Variants in PXT1 observed in about 807,000 individuals in gnomAD.
PXT1 encodes the protein peroxisomal testis-specific protein 1.
A neutral mutation model predicts 11.0 loss-of-function variants in PXT1; 11 were observed. The observed-to-expected ratio is 1.00, with a 90% CI of 0.63 to 1.66. The LOEUF (loss-of-function observed/expected upper bound fraction) is 1.66, where lower values mean the gene tolerates loss of function less well. Ranked by LOEUF, PXT1 falls within the 40% of genes most tolerant of loss-of-function variation. The pLI is 0.00. For synonymous variants in PXT1, 43 were observed against 51.4 expected, an observed-to-expected ratio of 0.84 and a Z score of 0.70; for missense variants, 141 against 155.5, an observed-to-expected ratio of 0.91 and a Z score of 0.49.
chr6:36,433,728 G>C (rs1292243336), intron 2 of PXT1, among the ~76,000 whole-genome samples: 1 of 151,278 alleles, frequency 6.6e-6, no homozygotes, highest in Non-Finnish European at 1.5e-5. Flanking sequence ...GGGAGGCTGA[G>C]GCAGGAGAAT....
intron 2 of PXT1, among the ~76,000 whole-genome samples, chr6:36,429,911 G>A (rs1744653): frequency 0.17 from 26,489 of 151,806 alleles, 2,716 homozygotes; most frequent in Admixed American, 0.27. Flanking sequence ...TAGAAGTAAA[G>A]CTTTTGGCCA....
In PXT1 at chr6:36,427,840, A is replaced by G. The variant is rs111321992; in HGVS notation, c.-9-1749T>C. Among the ~76,000 whole-genome samples the G allele has an allele frequency of 8.7e-3, 1,324 of 152,292 alleles. 26 individuals are homozygous for G. The highest frequency in any genetic ancestry group is 0.03 in the African/African-American group (1,240 of 41,546). On this transcript the variant is annotated intron_variant, in intron 2 of 4. Coordinates refer to ENST00000454782, the MANE Select transcript of PXT1 (RefSeq NM_152990.4). ...CTGTACTGTACTTTACTGGACGGCC[A>G]GCCATACAAACCAAGGGGAGAAAGA...
intron 3 of PXT1, among the ~76,000 whole-genome samples, chr6:36,415,263 T>G (rs1322092271): frequency 4.6e-5 from 7 of 151,934 alleles, no homozygotes; most frequent in African/African-American, 1.7e-4. Context: ...GCCAACATGG[T>G]GAAACCCTGC....
chr6:36,436,053 G>A (rs1774757512), intron 2 of PXT1, among the ~76,000 whole-genome samples: 1 of 147,140 alleles, frequency 6.8e-6, no homozygotes. Context: ...AACAATGATT[G>A]GTTTTTAAAT....
At chr6:36,404,365 T>C (rs1238991577) in intron 3 of PXT1, among the ~76,000 whole-genome samples, 1 of 152,120 alleles carries the variant, frequency 6.6e-6, no homozygotes, top group Non-Finnish European at 1.5e-5. Flanking sequence ...ATCAACACAT[T>C]ACTTAGGTGT....
chr6:36,430,248 T>C (rs949959392), intron 2 of PXT1, among the ~76,000 whole-genome samples: 3 of 152,138 alleles, frequency 2.0e-5, no homozygotes, highest in Non-Finnish European at 4.4e-5. Flanking sequence ...CTTCTGTCCA[T>C]TAATTATTAA....
intron 3 of PXT1, among the ~76,000 whole-genome samples, chr6:36,404,685 C>T (rs1388599036): frequency 6.6e-6 from 1 of 151,622 alleles, no homozygotes; most frequent in East Asian, 1.9e-4. Flanking sequence ...GAGCTGGGCG[C>T]AGTGGCTCAC....
intron 3 of PXT1, among the ~76,000 whole-genome samples, chr6:36,402,722 T>C (rs1050950121): frequency 1.3e-5 from 2 of 152,060 alleles, no homozygotes; most frequent in Admixed American, 6.6e-5. Context: ...ATGCATAAAC[T>C]CTAAGCAGTG....
chr6:36,406,345 C>T (rs1245174065), intron 3 of PXT1, among the ~76,000 whole-genome samples: 1 of 152,150 alleles, frequency 6.6e-6, no homozygotes, highest in East Asian at 1.9e-4. Flanking sequence ...GCTCAATAGA[C>T]TCAGGAGACT....
chr6:36,434,422 CAGGAG>C (rs980035880), intron 2 of PXT1, among the ~76,000 whole-genome samples: 1 of 152,072 alleles, frequency 6.6e-6, no homozygotes, highest in Non-Finnish European at 1.5e-5. Flanking sequence ...ATAAAAAAGT[CAGGAG>C]AGATCTAAAA....
chr6:36,440,099 G>A (rs570442544), intron 1 of PXT1, among the ~76,000 whole-genome samples: 1 of 150,122 alleles, frequency 6.7e-6, no homozygotes, highest in Non-Finnish European at 1.5e-5. Context: ...CTCTGTCTCA[G>A]AAAACAAAAG....
chr6:36,399,658 G>A (rs1257641875), intron 4 of PXT1, among the ~76,000 whole-genome samples: 1 of 152,182 alleles, frequency 6.6e-6, no homozygotes, highest in South Asian at 2.1e-4. Flanking sequence ...AGGGCAAGAA[G>A]TTGGGCTCTG....
chr6:36,436,113 C>CAAAAAAAAAAA (rs11294829), intron 2 of PXT1, among the ~76,000 whole-genome samples: 9 of 60,084 alleles, frequency 1.5e-4, no homozygotes, highest in East Asian at 4.1e-4. Context: ...AAAAGTAAGC[C>CAAAAAAAAAAA]AAAAAAAAAA....
At chr6:36,401,113 T>G (rs1774207152) in intron 3 of PXT1, among the ~76,000 whole-genome samples, 1 of 152,002 alleles carries the variant, frequency 6.6e-6, no homozygotes, top group Admixed American at 6.6e-5. Flanking sequence ...TAAAATCAGG[T>G]AAAATTAATT....
rs371273376 is a variant in PXT1, at chr6:36,435,813, G to A, written c.-10+2954C>T. Among the ~76,000 whole-genome samples, 66 of 152,214 alleles carry A rather than the reference G, an allele frequency of 4.3e-4. 1 individual carries two copies. In the East Asian group the frequency reaches 0.011, roughly 26 times the overall value. ...CAGCAGAGCTTTCAAAATCCTGAGA[G>A]AAAATGTTTTCCAATCTAGACTGTA... On this transcript the variant is annotated intron_variant, in intron 2 of 4. Transcript: ENST00000454782.
chr6:36,391,765 T>G lies in PXT1; in HGVS notation c.*5A>C, dbSNP rs1209724390. ...GAACTTGACCACTTGACCTTTACTTTCCTTTTACAGCAAATGGTTGTTCCA... is the reference window on the plus strand; with the variant it reads ...GAACTTGACCACTTGACCTTTACTTGCCTTTTACAGCAAATGGTTGTTCCA... On this transcript the variant is annotated 3_prime_UTR_variant, in exon 5 of 5. Coordinates refer to ENST00000454782, the MANE Select transcript of PXT1 (RefSeq NM_152990.4). 1.3e-6 allele frequency: 2 copies of G among 1,598,800 alleles called. No individual in the cohort carries two copies. The highest frequency in any genetic ancestry group is 1.7e-6 in the Non-Finnish European group (2 of 1,166,734).
intron 4 of PXT1, among the ~76,000 whole-genome samples, chr6:36,399,332 A>C (rs1774184133): frequency 6.6e-6 from 1 of 152,096 alleles, no homozygotes; most frequent in African/African-American, 2.4e-5. Context: ...TTTTCAGTAG[A>C]GACGGGGTTT....
chr6:36,418,910 G>A (rs1397959815), intron 3 of PXT1, among the ~76,000 whole-genome samples: 1 of 152,218 alleles, frequency 6.6e-6, no homozygotes, highest in Non-Finnish European at 1.5e-5. Context: ...TGGCAGGGGG[G>A]AGATAGTGTG....
At chr6:36,419,510 G>A (rs1346785494) in intron 3 of PXT1, among the ~76,000 whole-genome samples, 3 of 152,142 alleles carry the variant, frequency 2.0e-5, no homozygotes, top group African/African-American at 2.4e-5. Flanking sequence ...CAGTGAGTAC[G>A]CCAAAAGCAA....
Sources: gnomAD v4.1 joint callset for allele counts (sites outside exome capture counted in the v4.1 genomes callset) on GRCh38, gnomAD v4.1.1 for gene constraint, MANE v1.5 for transcripts, NCBI Gene and HGNC (gene_info 2026-07-23, HGNC 2026-07-21) for gene names.